Variants in ROBO2 observed in about 807,000 individuals in gnomAD.
ROBO2 encodes the protein roundabout guidance receptor 2, also known as roundabout homolog 2.
In ROBO2, 53 loss-of-function variants were observed where a neutral mutation model predicts 160.8. The ratio of observed to expected loss-of-function variants is 0.33; its 90% CI spans 0.26 to 0.41. The LOEUF is 0.41. Ranked by LOEUF, ROBO2 falls within the 10% of genes least tolerant of loss-of-function variation. The pLI is 1.00. For synonymous variants in ROBO2, 664 were observed against 611.7 expected (o/e 1.09, Z -1.26); for missense variants, 1,577 against 1,722.4 (o/e 0.92, Z 1.49).
chr3:77,641,480 C>T (rs1482677007), intron 24 of ROBO2, among the ~76,000 whole-genome samples: 1 of 152,098 alleles, frequency 6.6e-6, no homozygotes, highest in African/African-American at 2.4e-5. Context: ...CTTTTTCCTT[C>T]TAAATTTCAC....
chr3:76,383,941 A>G (rs917862671), intron 2 of ROBO2, among the ~76,000 whole-genome samples: 30 of 152,174 alleles, frequency 2.0e-4, no homozygotes, highest in African/African-American at 7.0e-4. Context: ...TTAAACTTAG[A>G]CTTCACAGTG....
intron 2 of ROBO2, among the ~76,000 whole-genome samples, chr3:77,199,571 C>T (rs912980794): frequency 4.0e-5 from 6 of 150,990 alleles, no homozygotes; most frequent in South Asian, 2.1e-4. Flanking sequence ...CTATTCATAG[C>T]GGACACTCAG....
At chr3:77,021,944 T>C (rs77559890) in intron 2 of ROBO2, among the ~76,000 whole-genome samples, 5,074 of 152,230 alleles carry the variant, frequency 0.033, 273 homozygotes, top group African/African-American at 0.11. Flanking sequence ...TACATTTATT[T>C]AAAAACTACC....
intron 2 of ROBO2, among the ~76,000 whole-genome samples, chr3:77,325,415 C>A (rs1211991578): frequency 1.3e-5 from 2 of 152,306 alleles, no homozygotes; most frequent in East Asian, 1.9e-4. Context: ...GGGGATTTGA[C>A]AACTCTGCCA....
chr3:77,002,216 C>G (rs545494081), intron 2 of ROBO2, among the ~76,000 whole-genome samples: 1 of 151,758 alleles, frequency 6.6e-6, no homozygotes, highest in Non-Finnish European at 1.5e-5. Context: ...CCCTTATAGC[C>G]TATATTATGG....
At chr3:76,338,942 G>A in intron 2 of ROBO2, among the ~76,000 whole-genome samples, 1 of 151,820 alleles carries the variant, frequency 6.6e-6, no homozygotes. Context: ...ATGTCTTAAG[G>A]ATGCCTTCAT....
chr3:76,056,922 AC>A (rs1307098507), intron 2 of ROBO2, among the ~76,000 whole-genome samples: 1 of 151,684 alleles, frequency 6.6e-6, no homozygotes, highest in Non-Finnish European at 1.5e-5. Flanking sequence ...ACAAAACAAA[AC>A]AGCTAAAAGT....
chr3:76,553,600 A>C (rs1434956193), intron 2 of ROBO2, among the ~76,000 whole-genome samples: 2 of 152,200 alleles, frequency 1.3e-5, no homozygotes, highest in African/African-American at 4.8e-5. Context: ...AAATGTTAAA[A>C]TCATTCATCA....
rs1560025558 is a variant in ROBO2 at position 77,108,207 on chromosome 3, TATATATATGTATACACATATGC to T, written c.388+9920_388+9941del. Among the ~76,000 whole-genome samples, 932 of 118,968 alleles carry T rather than the reference TATATATATGTATACACATATGC, an allele frequency of 7.8e-3. 17 individuals are homozygous for T. Among genetic ancestry groups the T allele is most frequent in the Middle Eastern group, 0.014 (3 of 214 alleles). The allele number at this position is 118,968 out of a possible 152,430, so 78.0% of individuals were successfully genotyped here. ...GCATATATATGTATACACATATGCATATATATATGTATACACATATGCATATATATGTATACACATATGCATA... is the reference window on the plus strand; with the variant it reads ...GCATATATATGTATACACATATGCATATATATATGTATACACATATGCATA... On this transcript the variant is annotated intron_variant, in intron 2 of 25. Transcript: ENST00000461745.
At chr3:76,472,098 TGTGC>T (rs1348835406) in intron 2 of ROBO2, among the ~76,000 whole-genome samples, 83 of 110,292 alleles carry the variant, frequency 7.5e-4, no homozygotes, top group South Asian at 2.8e-3. Context: ...TGTGTGTGTG[TGTGC>T]GCGTGTGCGT....
intron 2 of ROBO2, among the ~76,000 whole-genome samples, chr3:76,742,199 T>C (rs1157701996): frequency 6.6e-6 from 1 of 150,516 alleles, no homozygotes; most frequent in African/African-American, 2.4e-5. Context: ...AAGATAAAGA[T>C]GTTCTACATA....
chr3:76,286,433 T>G (rs1708508335), intron 2 of ROBO2, among the ~76,000 whole-genome samples: 1 of 152,206 alleles, frequency 6.6e-6, no homozygotes, highest in Non-Finnish European at 1.5e-5. Flanking sequence ...ATGCTTTTCC[T>G]ATCAATTGTG....
At chr3:76,814,982 A>T (rs9309752) in intron 2 of ROBO2, among the ~76,000 whole-genome samples, 3 of 152,072 alleles carry the variant, frequency 2.0e-5, no homozygotes, top group African/African-American at 4.8e-5. Flanking sequence ...AGGAGCTTAC[A>T]ATCAGGCTTT....
chr3:77,205,703 A>G (rs2083368703), intron 2 of ROBO2, among the ~76,000 whole-genome samples: 1 of 152,132 alleles, frequency 6.6e-6, no homozygotes, highest in African/African-American at 2.4e-5. Context: ...AATAAGTTGC[A>G]CTATTGTAGA....
chr3:76,340,405 T>A (rs2074153078), intron 2 of ROBO2, among the ~76,000 whole-genome samples: 1 of 152,126 alleles, frequency 6.6e-6, no homozygotes, highest in Non-Finnish European at 1.5e-5. Flanking sequence ...GCATAATATT[T>A]TAGCCAATCC....
Position 76,321,862 on chromosome 3 carries a change from A to G in ROBO2, c.109+384260A>G, listed in dbSNP as rs925654861. On this transcript the variant is annotated intron_variant, in intron 2 of 26. Coordinates refer to the ROBO2 transcript ENST00000487694. ...TTCTGTGTGCGTTACCTGGGTGACA[A>G]ACTTTCTTACCGGTCACCCTGGAGT... Among the ~76,000 whole-genome samples the G allele has an allele frequency of 4.6e-5, 7 of 152,050 alleles. No individual in the cohort carries two copies. In the South Asian group the frequency reaches 6.2e-4, roughly 14 times the overall value.
At chr3:76,853,761 G>C (rs7428524) in intron 2 of ROBO2, among the ~76,000 whole-genome samples, 139,975 of 152,188 alleles carry the variant, frequency 0.92, 64,561 homozygotes, top group African/African-American at 0.98. Flanking sequence ...CGTTTGTTCT[G>C]TCTCAGTATA....
intron 2 of ROBO2, among the ~76,000 whole-genome samples, chr3:76,940,850 C>A (rs2078141165): frequency 6.6e-6 from 1 of 152,178 alleles, no homozygotes; most frequent in African/African-American, 2.4e-5. Context: ...CATCTGCAGG[C>A]TGATGATATC....
chr3:77,164,888 G>C (rs1476239654), intron 2 of ROBO2, among the ~76,000 whole-genome samples: 1 of 98,312 alleles, frequency 1.0e-5, no homozygotes, highest in South Asian at 3.3e-4. Flanking sequence ...GAGGGAGGTG[G>C]GGGGGTCAGC....
Sources: gnomAD v4.1 joint callset for allele counts (sites outside exome capture counted in the v4.1 genomes callset) on GRCh38, gnomAD v4.1.1 for gene constraint, MANE v1.5 for transcripts, NCBI Gene and HGNC (gene_info 2026-07-23, HGNC 2026-07-21) for gene names.